Variants in RYR2 observed in about 807,000 individuals in gnomAD.
RYR2 encodes ryanodine receptor 2.
RYR2 carries 227 observed loss-of-function variants against 601.1 expected under a neutral mutation model. The observed-to-expected ratio is 0.38, with a 90% CI of 0.34 to 0.42. The LOEUF (loss-of-function observed/expected upper bound fraction) is 0.42. RYR2 is among the 10% of genes least tolerant of loss of function. RYR2 has a pLI of 1.00. For synonymous variants in RYR2, 2,223 were observed against 2,175.1 expected (o/e 1.02, Z -0.61); for missense variants, 4,646 against 6,156.5 (o/e 0.75, Z 8.21).
chr1:237,263,643 A>G (rs1394889530), intron 1 of RYR2, among the ~76,000 whole-genome samples: 2 of 152,170 alleles, frequency 1.3e-5, no homozygotes, highest in African/African-American at 4.8e-5. Context: ...GGAATGGAGT[A>G]TCTTTTGTTT....
At chr1:237,143,229 T>C (rs966044721) in intron 1 of RYR2, among the ~76,000 whole-genome samples, 12 of 152,162 alleles carry the variant, frequency 7.9e-5, no homozygotes, top group African/African-American at 2.9e-4. Flanking sequence ...CCTTGAAAAC[T>C]CTCTGAGAAT....
chr1:237,382,709 A>G (rs1223313895), intron 8 of RYR2, among the ~76,000 whole-genome samples: 2 of 152,178 alleles, frequency 1.3e-5, no homozygotes, highest in Non-Finnish European at 2.9e-5. Context: ...TATTGATTGC[A>G]TAATAAATTG....
chr1:237,409,353 G>C (rs1431709158), intron 10 of RYR2, among the ~76,000 whole-genome samples: 3 of 151,966 alleles, frequency 2.0e-5, no homozygotes, highest in Non-Finnish European at 4.4e-5. Context: ...CATTGGCTGA[G>C]AATTTGTATT....
intron 80 of RYR2, among the ~76,000 whole-genome samples, chr1:237,747,704 C>T (rs2819770): frequency 0.21 from 31,365 of 152,038 alleles, 3,814 homozygotes; most frequent in Middle Eastern, 0.3. Flanking sequence ...TTATTTGGTG[C>T]TTTTCATAGT....
intron 1 of RYR2, among the ~76,000 whole-genome samples, chr1:237,072,264 C>T (rs552887224): frequency 6.6e-6 from 1 of 152,348 alleles, no homozygotes; most frequent in South Asian, 2.1e-4. Context: ...TCCAGAGGGG[C>T]CACCGCCGCC....
chr1:237,049,493 G>A (rs930844471), intron 1 of RYR2, among the ~76,000 whole-genome samples: 9 of 152,078 alleles, frequency 5.9e-5, no homozygotes, highest in African/African-American at 1.2e-4. Context: ...AGGGACTTGC[G>A]GTAATTTCCA....
intron 1 of RYR2, among the ~76,000 whole-genome samples, chr1:237,177,416 C>T (rs1212784106): frequency 6.6e-6 from 1 of 152,232 alleles, no homozygotes; most frequent in African/African-American, 2.4e-5. Context: ...TTCCTGATCA[C>T]AATTCCTACT....
intron 63 of RYR2, among the ~76,000 whole-genome samples, chr1:237,692,217 G>T (rs1481378029): frequency 6.6e-6 from 1 of 152,142 alleles, no homozygotes; most frequent in African/African-American, 2.4e-5. Flanking sequence ...AACATGTATT[G>T]TATGTCTGCC....
chr1:237,156,998 A>G (rs368747526), intron 1 of RYR2, among the ~76,000 whole-genome samples: 1 of 152,144 alleles, frequency 6.6e-6, no homozygotes, highest in Non-Finnish European at 1.5e-5. Context: ...AAAACCAAAA[A>G]TAGAACCACC....
intron 1 of RYR2, among the ~76,000 whole-genome samples, chr1:237,142,332 G>A (rs186093167): frequency 3.3e-5 from 5 of 152,330 alleles, no homozygotes; most frequent in Admixed American, 3.3e-4. Context: ...GGGGAATGCT[G>A]TATTTTTGGT....
intron 80 of RYR2, among the ~76,000 whole-genome samples, chr1:237,752,086 A>G (rs937625091): frequency 3.9e-5 from 6 of 152,148 alleles, no homozygotes; most frequent in East Asian, 1.9e-4. Context: ...TTGAATACCT[A>G]TTATTTTCAG....
At chr1:237,616,197 T>C (rs764156976) in intron 37 of RYR2, among the ~76,000 whole-genome samples, 1 of 152,144 alleles carries the variant, frequency 6.6e-6, no homozygotes, top group Non-Finnish European at 1.5e-5. Context: ...AATGGTTATA[T>C]TGTAGATGGT....
At chr1:237,732,171 T>A in intron 78 of RYR2, 22 bp downstream of exon 78, 1 of 1,480,978 alleles carries the variant, frequency 6.8e-7, no homozygotes, top group East Asian at 2.3e-5. Flanking sequence ...AGGGTTCCTA[T>A]GAGACATAGG....
At chr1:237,256,941 ACCATTGCATCCCACTCCT>A (rs1388934605) in intron 1 of RYR2, among the ~76,000 whole-genome samples, 1 of 151,862 alleles carries the variant, frequency 6.6e-6, no homozygotes, top group Non-Finnish European at 1.5e-5. Context: ...TTCTCACCTC[ACCATTGCATCCCACTCCT>A]CCATTCAAAC....
At chr1:237,574,864 G>C (rs1202480904) in intron 29 of RYR2, among the ~76,000 whole-genome samples, 1 of 152,168 alleles carries the variant, frequency 6.6e-6, no homozygotes, top group Non-Finnish European at 1.5e-5. Context: ...TTATATCCTT[G>C]TGAAACCCTG....
intron 34 of RYR2, among the ~76,000 whole-genome samples, chr1:237,598,914 G>C (rs1314373443): frequency 6.6e-6 from 1 of 152,008 alleles, no homozygotes; most frequent in Non-Finnish European, 1.5e-5. Context: ...AGAAAGAGAT[G>C]ACTCAAATAA....
At chr1:237,745,770 CAATT>C (rs1418702526) in intron 80 of RYR2, among the ~76,000 whole-genome samples, 1 of 152,090 alleles carries the variant, frequency 6.6e-6, no homozygotes, top group Non-Finnish European at 1.5e-5. Context: ...TGAAACCTGG[CAATT>C]AATCCCAAAA....
intron 97 of RYR2, among the ~76,000 whole-genome samples, chr1:237,798,801 C>CACACACACACACACACACACACACACAT (rs3835529): frequency 4.0e-5 from 6 of 148,306 alleles, no homozygotes; most frequent in African/African-American, 1.6e-4. Flanking sequence ...CACACACACA[C>CACACACACACACACACACACACACACAT]ATATAGTGTG....
At chr1:237,719,314 G>A (rs866233616) in intron 73 of RYR2, among the ~76,000 whole-genome samples, 23 of 152,090 alleles carry the variant, frequency 1.5e-4, no homozygotes, top group African/African-American at 4.3e-4. Context: ...TTTAAGAGTC[G>A]TTAGTCTATA....
Sources: allele counts gnomAD v4.1 joint callset (sites outside exome capture counted in the v4.1 genomes callset), GRCh38; gene constraint gnomAD v4.1.1; transcripts MANE v1.5; gene names NCBI Gene and HGNC (gene_info 2026-07-23, HGNC 2026-07-21).